Variants in UVRAG observed in about 807,000 individuals in gnomAD.
UVRAG encodes the protein UV radiation resistance-associated gene protein.
In UVRAG, 19 loss-of-function variants were observed where a neutral mutation model predicts 78.0. That is an observed-to-expected ratio of 0.24 (90% CI 0.17 to 0.36). UVRAG has a LOEUF of 0.36. UVRAG is among the 10% of genes least tolerant of loss of function. UVRAG has a pLI of 1.00. For missense variants in UVRAG, 740 were observed against 853.8 expected, an observed-to-expected ratio of 0.87 and a Z score of 1.66; for synonymous variants, 323 against 324.6, an observed-to-expected ratio of 1.00 and a Z score of 0.05.
intron 14 of UVRAG, among the ~76,000 whole-genome samples, chr11:76,138,982 A>T (rs375228299): frequency 6.6e-6 from 1 of 152,210 alleles, no homozygotes; most frequent in African/African-American, 2.4e-5. Flanking sequence ...ATAAACCTAG[A>T]TCGAGGCCAG....
At chr11:75,983,023 A>G (rs192488233) in intron 7 of UVRAG, among the ~76,000 whole-genome samples, 1 of 152,246 alleles carries the variant, frequency 6.6e-6, no homozygotes, top group East Asian at 1.9e-4. Context: ...GTATATACCT[A>G]GAAGTGGAAT....
At chr11:76,020,749 T>C (rs147056369) in intron 12 of UVRAG, among the ~76,000 whole-genome samples, 68 of 149,384 alleles carry the variant, frequency 4.6e-4, no homozygotes, top group African/African-American at 1.6e-3. Context: ...TAGTGTCCCA[T>C]GTCCATTGCC....
At chr11:75,847,825 G>T (rs1946067348) in intron 1 of UVRAG, among the ~76,000 whole-genome samples, 1 of 151,890 alleles carries the variant, frequency 6.6e-6, no homozygotes, top group African/African-American at 2.4e-5. Flanking sequence ...CAAAAAATTA[G>T]CTGGGTGTGG....
chr11:76,093,652 CTTTG>C (rs1270264409), intron 13 of UVRAG, among the ~76,000 whole-genome samples: 3 of 152,028 alleles, frequency 2.0e-5, no homozygotes, highest in Non-Finnish European at 4.4e-5. Flanking sequence ...TGTTTTGGCT[CTTTG>C]TTTGTCTGTT....
intron 6 of UVRAG, among the ~76,000 whole-genome samples, chr11:75,945,962 C>G (rs184962447): frequency 1.3e-5 from 2 of 152,132 alleles, no homozygotes; most frequent in East Asian, 3.9e-4. Context: ...TTATGTTCAG[C>G]CCTTACCCGA....
At chr11:75,939,857 A>G (rs780263609) in intron 6 of UVRAG, among the ~76,000 whole-genome samples, 7 of 152,176 alleles carry the variant, frequency 4.6e-5, no homozygotes, top group Non-Finnish European at 8.8e-5. Context: ...ATTTTGATTT[A>G]TGTCCAGTTA....
chr11:75,919,263 G>A (rs576409811), intron 6 of UVRAG, among the ~76,000 whole-genome samples: 18 of 152,044 alleles, frequency 1.2e-4, no homozygotes, highest in Non-Finnish European at 2.2e-4. Context: ...ACTCTAAGTG[G>A]TAATTGCAGT....
chr11:76,135,517 G>T (rs1565175347), intron 14 of UVRAG, among the ~76,000 whole-genome samples: 1 of 152,180 alleles, frequency 6.6e-6, no homozygotes, highest in African/African-American at 2.4e-5. Context: ...ATGGCAAAAG[G>T]TTAACAGTCC....
intron 13 of UVRAG, among the ~76,000 whole-genome samples, chr11:76,099,989 T>C (rs1422574971): frequency 6.6e-6 from 1 of 152,162 alleles, no homozygotes; most frequent in East Asian, 1.9e-4. Flanking sequence ...CATCTCTGTC[T>C]TATGCTGTGA....
chr11:75,951,325 A>ATG (rs71036071), intron 6 of UVRAG, among the ~76,000 whole-genome samples: 5,291 of 149,472 alleles, frequency 0.035, 304 homozygotes, highest in East Asian at 0.19. Context: ...ATAATCTGAA[A>ATG]TGTGTGTGTG....
intron 1 of UVRAG, among the ~76,000 whole-genome samples, chr11:75,848,793 G>A (rs1486222390): frequency 6.6e-6 from 1 of 152,212 alleles, no homozygotes; most frequent in East Asian, 1.9e-4. Flanking sequence ...TATATAGGAT[G>A]TAATCCTTGG....
chr11:75,928,961 A>G (rs7108765), intron 6 of UVRAG, among the ~76,000 whole-genome samples: 58 of 143,006 alleles, frequency 4.1e-4, no homozygotes, highest in African/African-American at 6.5e-4. Context: ...AAAAAAAAAA[A>G]AAAGAATTGA....
chr11:76,049,861 A>G (rs1950828889), intron 12 of UVRAG, among the ~76,000 whole-genome samples: 1 of 152,250 alleles, frequency 6.6e-6, no homozygotes, highest in Non-Finnish European at 1.5e-5. Context: ...TCGTGAAGAC[A>G]CATGGGGAGA....
intron 6 of UVRAG, among the ~76,000 whole-genome samples, chr11:75,952,155 T>C (rs1310958597): frequency 6.6e-6 from 1 of 152,230 alleles, no homozygotes; most frequent in Non-Finnish European, 1.5e-5. Context: ...TTGCCGAATT[T>C]ACTCATTAGT....
chr11:76,063,987 A>G lies in UVRAG; in HGVS notation c.1227-1723A>G, dbSNP rs1350178360. Among the ~76,000 whole-genome samples the G allele has an allele frequency of 2.0e-5, 3 of 152,358 alleles. No homozygotes were observed. The East Asian group carries it at 5.8e-4, about 29-fold the overall frequency. On this transcript the variant is annotated intron_variant, in intron 12 of 14. Coordinates refer to ENST00000356136, the MANE Select transcript of UVRAG (RefSeq NM_003369.4). ...AGTGACCTAAGAATTTGAAAGCAAT[A>G]TAAAATGTAAATTCTGTCCTAATAT...
At chr11:75,871,565 C>T (rs535496371) in intron 3 of UVRAG, among the ~76,000 whole-genome samples, 113 of 151,912 alleles carry the variant, frequency 7.4e-4, no homozygotes, top group Non-Finnish European at 1.4e-3. Context: ...ATTACAGGCA[C>T]GAGCCACCGC....
intron 13 of UVRAG, among the ~76,000 whole-genome samples, chr11:76,109,775 A>G (rs1055943184): frequency 5.3e-5 from 8 of 151,678 alleles, no homozygotes; most frequent in Non-Finnish European, 1.0e-4. Flanking sequence ...TTTCCTTTCT[A>G]TTTTTACTAA....
intron 12 of UVRAG, among the ~76,000 whole-genome samples, chr11:76,035,043 CTT>C (rs1438049874): frequency 1.3e-5 from 2 of 152,166 alleles, no homozygotes; most frequent in Non-Finnish European, 1.5e-5. Flanking sequence ...GACACCTATA[CTT>C]AAACTCTTTT....
chr11:75,834,359 T>C (rs923717754), intron 1 of UVRAG, among the ~76,000 whole-genome samples: 5 of 152,052 alleles, frequency 3.3e-5, no homozygotes, highest in African/African-American at 1.2e-4. Context: ...GGTGGTAATA[T>C]GTCCTTCATA....
Sources: gnomAD v4.1 joint callset for allele counts (sites outside exome capture counted in the v4.1 genomes callset) on GRCh38, gnomAD v4.1.1 for gene constraint, MANE v1.5 for transcripts, NCBI Gene and HGNC (gene_info 2026-07-23, HGNC 2026-07-21) for gene names.